Variants in CHN2 observed in about 807,000 individuals in gnomAD.
CHN2 encodes the protein beta-chimaerin.
CHN2 carries 35 observed loss-of-function variants against 56.3 expected under a neutral mutation model. That is an observed-to-expected ratio of 0.62 (90% CI 0.47 to 0.82). The LOEUF is 0.82. Ranked by LOEUF, CHN2 falls within the 40% of genes least tolerant of loss-of-function variation. CHN2 has a pLI of 0.00. For synonymous variants in CHN2, 210 were observed against 212.8 expected (o/e 0.99, Z 0.12); for missense variants, 491 against 580.5 (o/e 0.85, Z 1.58).
intron 6 of CHN2, among the ~76,000 whole-genome samples, chr7:29,455,180 G>C (rs955691566): frequency 1.3e-5 from 2 of 152,110 alleles, no homozygotes; most frequent in Non-Finnish European, 2.9e-5. Context: ...GCCAATTCCA[G>C]CACACCACTA....
chr7:29,273,367 A>ATATGTG (rs1321870002), intron 1 of CHN2, among the ~76,000 whole-genome samples: 5 of 50,866 alleles, frequency 9.8e-5, no homozygotes, highest in East Asian at 5.7e-3. Flanking sequence ...ATATATATAT[A>ATATGTG]TATATATATA....
At position 29,456,413 on chromosome 7, in the gene CHN2, G is replaced by GAA. The variant is rs1784752204; in HGVS notation, c.577-23864_577-23863dup. On this transcript the variant is annotated intron_variant, in intron 6 of 12. Coordinates refer to ENST00000222792, the MANE Select transcript of CHN2 (RefSeq NM_004067.4). ...GTGGCCTGGCCCAGCCCATGGTGAAGAAAGAGAGAGGGGGACAGAAGAAGA... is the reference window on the plus strand; with the variant it reads ...GTGGCCTGGCCCAGCCCATGGTGAAGAAAAAGAGAGAGGGGGACAGAAGAAGA... Among the ~76,000 whole-genome samples the GAA allele has an allele frequency of 6.8e-5, 10 of 146,820 alleles. No homozygotes were observed. The South Asian group carries it at 2.1e-3, about 31-fold the overall frequency.
chr7:29,323,232 G>T (rs766134978), intron 1 of CHN2, among the ~76,000 whole-genome samples: 1 of 148,314 alleles, frequency 6.7e-6, no homozygotes, highest in African/African-American at 2.5e-5. Context: ...CTTGGACTTC[G>T]CAGAGCACAT....
intron 2 of CHN2, among the ~76,000 whole-genome samples, chr7:29,158,787 G>A (rs1379538843): frequency 6.6e-6 from 1 of 152,162 alleles, no homozygotes; most frequent in Non-Finnish European, 1.5e-5. Flanking sequence ...AGCAGTATTT[G>A]TGATTTCACC....
intron 11 of CHN2, 64 bp downstream of exon 11, chr7:29,507,429 A>T: frequency 1.6e-6 from 2 of 1,246,340 alleles, no homozygotes; most frequent in Non-Finnish European, 2.3e-6. Flanking sequence ...TTTGACCTTC[A>T]GATAATTAAA....
chr7:29,196,835 A>T (rs1783772487), intron 1 of CHN2, among the ~76,000 whole-genome samples: 1 of 152,220 alleles, frequency 6.6e-6, no homozygotes, highest in Admixed American at 6.5e-5. Flanking sequence ...TAGGTTAGAG[A>T]TGCCCATGAT....
At chr7:29,421,665 G>C (rs1804359874) in intron 6 of CHN2, among the ~76,000 whole-genome samples, 1 of 152,226 alleles carries the variant, frequency 6.6e-6, no homozygotes, top group Non-Finnish European at 1.5e-5. Flanking sequence ...AAGAATAGCT[G>C]TTTGAGGAGA....
chr7:29,318,775 A>G (rs769695343), intron 1 of CHN2, among the ~76,000 whole-genome samples: 1 of 152,248 alleles, frequency 6.6e-6, no homozygotes, highest in Non-Finnish European at 1.5e-5. Flanking sequence ...CACAGTAACA[A>G]ATAGCTATTA....
intron 1 of CHN2, among the ~76,000 whole-genome samples, chr7:29,325,402 A>C (rs555280995): frequency 6.6e-6 from 1 of 152,132 alleles, no homozygotes; most frequent in African/African-American, 2.4e-5. Context: ...ATCCAAAGGC[A>C]CTCCTCCTTA....
intron 8 of CHN2, among the ~76,000 whole-genome samples, chr7:29,496,465 A>C (rs548538165): frequency 7.9e-5 from 12 of 152,058 alleles, no homozygotes; most frequent in African/African-American, 2.9e-4. Context: ...TCTATTTATC[A>C]TGTCATTAGC....
rs1406281678 is a variant in CHN2, at chr7:29,513,675, T to G, written c.*940T>G. The stretch of plus-strand genomic sequence containing the variant: ...TTCATCTGTTAATATCAAATTGTAT[T>G]TTTGCCACATTTCTGTATTGGTGAA... On this transcript the variant is annotated 3_prime_UTR_variant, in exon 13 of 13. Coordinates refer to ENST00000222792, the MANE Select transcript of CHN2 (RefSeq NM_004067.4). 6.6e-6 allele frequency: 1 copy of G among 152,444 alleles called. No homozygotes were observed. Among genetic ancestry groups the G allele is most frequent in the Non-Finnish European group, 1.5e-5 (1 of 68,034 alleles). 9.4% of individuals were successfully genotyped at this position (152,444 alleles called of 1,614,324 possible). A position where few individuals can be genotyped will look rare whatever the true frequency, so the allele number is the denominator to read the frequency against.
chr7:29,149,232 G>A (rs564598164), intron 2 of CHN2, among the ~76,000 whole-genome samples: 59 of 117,178 alleles, frequency 5.0e-4, no homozygotes, highest in Non-Finnish European at 7.3e-4. Context: ...TTACTGTGCC[G>A]CCCAGGCTGG....
chr7:29,411,635 T>G (rs938302795), intron 6 of CHN2, among the ~76,000 whole-genome samples: 7 of 152,312 alleles, frequency 4.6e-5, no homozygotes, highest in African/African-American at 1.4e-4. Context: ...AACAGACTTT[T>G]ACCGTGAGTT....
intron 1 of CHN2, among the ~76,000 whole-genome samples, chr7:29,330,263 G>T (rs1270774353): frequency 6.6e-6 from 1 of 152,132 alleles, no homozygotes; most frequent in East Asian, 1.9e-4. Context: ...CAACATAGTG[G>T]TTCGTAGTAA....
At chr7:29,188,541 T>A (rs535088624) in intron 2 of CHN2, among the ~76,000 whole-genome samples, 118 of 151,904 alleles carry the variant, frequency 7.8e-4, no homozygotes, top group South Asian at 8.3e-4. Flanking sequence ...ATTTTTTTTT[T>A]AAAAAAAAGA....
At chr7:29,291,793 T>A (rs1792653089) in intron 1 of CHN2, among the ~76,000 whole-genome samples, 1 of 152,208 alleles carries the variant, frequency 6.6e-6, no homozygotes, top group South Asian at 2.1e-4. Context: ...CTGCCACGAT[T>A]CTTACATGAA....
exon 2 of CHN2, chr7:29,146,886 G>A (rs1248259495): frequency 1.9e-6 from 3 of 1,551,166 alleles, no homozygotes; most frequent in South Asian, 1.2e-5. Flanking sequence ...TTTGGAAAGC[G>A]AGTGGTGTTT....
At chr7:29,279,632 G>A (rs1251898808) in intron 1 of CHN2, among the ~76,000 whole-genome samples, 1 of 152,206 alleles carries the variant, frequency 6.6e-6, no homozygotes, top group Non-Finnish European at 1.5e-5. Flanking sequence ...GGGAACTCAG[G>A]GAATGGGGCT....
intron 1 of CHN2, among the ~76,000 whole-genome samples, chr7:29,266,177 G>C (rs1562876825): frequency 6.6e-6 from 1 of 152,160 alleles, no homozygotes; most frequent in Non-Finnish European, 1.5e-5. Context: ...AGTTTCCTAG[G>C]AAACTGGAAC....
Sources: gnomAD v4.1 joint callset for allele counts (sites outside exome capture counted in the v4.1 genomes callset) on GRCh38, gnomAD v4.1.1 for gene constraint, MANE v1.5 for transcripts, NCBI Gene and HGNC (gene_info 2026-07-23, HGNC 2026-07-21) for gene names.